Variants in AKR1C4 observed in about 807,000 individuals in gnomAD.
AKR1C4 encodes aldo-keto reductase family 1 member C4.
Under a neutral mutation model 41.0 loss-of-function variants are expected in AKR1C4, and 44 were observed. The observed-to-expected ratio is 1.07, with a 90% confidence interval of 0.84 to 1.38. The LOEUF (loss-of-function observed/expected upper bound fraction) is 1.38, where lower values mean the gene tolerates loss of function less well. AKR1C4 is among the 40% of genes most tolerant of loss of function. AKR1C4 has a pLI of 0.00. For synonymous variants in AKR1C4, 165 were observed against 137.7 expected, an observed-to-expected ratio of 1.20 and a Z score of -1.39; for missense variants, 438 against 387.9, an observed-to-expected ratio of 1.13 and a Z score of -1.09.
At chr10:5,205,174 T>C (rs2132129297) in intron 3 of AKR1C4, among the ~76,000 whole-genome samples, 1 of 152,374 alleles carries the variant, frequency 6.6e-6, no homozygotes, top group South Asian at 2.1e-4. Context: ...TAATTATCTA[T>C]GAACTCCAAG....
intron 7 of AKR1C4, among the ~76,000 whole-genome samples, chr10:5,215,442 T>G (rs1437802700): frequency 6.6e-6 from 1 of 152,216 alleles, no homozygotes; most frequent in African/African-American, 2.4e-5. Flanking sequence ...GGCTCACAAT[T>G]TGCAGGCTGT....
intron 1 of AKR1C4, among the ~76,000 whole-genome samples, chr10:5,199,697 G>A (rs1357084848): frequency 2.0e-5 from 3 of 152,058 alleles, no homozygotes; most frequent in African/African-American, 4.8e-5. Flanking sequence ...CTGAGCAGCC[G>A]GACTCTAGGG....
intron 5 of AKR1C4, chr10:5,207,084 T>C (rs1160505336): frequency 6.4e-6 from 1 of 155,832 alleles, no homozygotes; most frequent in Admixed American, 6.5e-5. Flanking sequence ...GGGAGTCTTA[T>C]AGCTGGGCCA....
intron 1 of AKR1C4, among the ~76,000 whole-genome samples, chr10:5,198,945 G>A (rs782338654): frequency 1.4e-4 from 21 of 151,288 alleles, no homozygotes; most frequent in Admixed American, 4.6e-4. Flanking sequence ...GAAGGTGGGG[G>A]TGGGGGCAGA....
chr10:5,199,793 G>A (rs116939839), intron 1 of AKR1C4, among the ~76,000 whole-genome samples: 2,155 of 152,254 alleles, frequency 0.014, 25 homozygotes, highest in Non-Finnish European at 0.023. Flanking sequence ...CCAAGCCCAG[G>A]TGTGATCCGA....
intron 2 of AKR1C4, among the ~76,000 whole-genome samples, chr10:5,203,540 G>C (rs1832435201): frequency 6.6e-6 from 1 of 152,172 alleles, no homozygotes. Context: ...AGAGTATTCT[G>C]GAGGCAGTTT....
chr10:5,205,793 A>G lies in AKR1C4; in HGVS notation c.406A>G (p.Lys136Glu). The G allele has an allele frequency of 1.2e-6, 2 of 1,613,578 alleles. No individual in the cohort carries two copies. Among genetic ancestry groups the G allele is most frequent in the Non-Finnish European group, 1.7e-6 (2 of 1,179,626 alleles). ...ETPLPKDENG[K>E]VIFDTVDLSA... ...GCCACTACCAAAAGATGAAAATGGA[A>G]AAGTAATATTCGACACAGTGGATCT... is the stretch of plus-strand genomic sequence containing the variant. Residue 136 changes from lysine to glutamate, a missense_variant, in exon 4 of 9, where the codon AAA becomes GAA. By Grantham distance (56) the Lys-to-Glu change is moderately conservative. Transcript: ENST00000263126.
chr10:5,215,011 T>A (rs2132140260), intron 7 of AKR1C4, among the ~76,000 whole-genome samples: 1 of 152,340 alleles, frequency 6.6e-6, no homozygotes, highest in South Asian at 2.1e-4. Flanking sequence ...TAGCTGTTTG[T>A]CAAAGATGGA....
At position 5,201,986 on chromosome 10, in the gene AKR1C4, T is replaced by C. The variant is rs140033323; in HGVS notation, c.252+1638T>C. Among the ~76,000 whole-genome samples, 475 of 152,324 alleles carry C rather than the reference T, an allele frequency of 3.1e-3. 4 individuals carry two copies. Among genetic ancestry groups the C allele is most frequent in the African/African-American group, 0.01 (422 of 41,576 alleles). On this transcript the variant is annotated intron_variant, in intron 2 of 8. Transcript: ENST00000263126. The stretch of plus-strand genomic sequence containing the variant: ...GTGCCTATTTTTTATACCAGTACCA[T>C]GCTGTTTGTATAACTATAGTCATGT...
At chr10:5,210,370 G>C (rs543371651) in intron 5 of AKR1C4, among the ~76,000 whole-genome samples, 1 of 152,300 alleles carries the variant, frequency 6.6e-6, no homozygotes, top group Non-Finnish European at 1.5e-5. Flanking sequence ...CAGGTGCACA[G>C]TGCAAGCTGT....
chr10:5,201,170 T>TA (rs746411741), intron 2 of AKR1C4, among the ~76,000 whole-genome samples: 5 of 152,176 alleles, frequency 3.3e-5, no homozygotes, highest in Admixed American at 2.6e-4. Context: ...TTAAGTTCTT[T>TA]AAGGAATCTC....
intron 8 of AKR1C4, among the ~76,000 whole-genome samples, chr10:5,217,717 G>C (rs1287300789): frequency 2.0e-5 from 3 of 152,150 alleles, no homozygotes; most frequent in African/African-American, 7.2e-5. Flanking sequence ...CCAAAATTAT[G>C]CCACTGCACT....
chr10:5,213,052 A>C lies in AKR1C4; in HGVS notation c.739A>C (p.Lys247Gln), dbSNP rs1832602005. ...CCCAGTTCTTTGTGCCTTAGCAAAGAAACACAAACAAACCCCAGCCCTGAT... is the reference window on the plus strand; with the variant it reads ...CCCAGTTCTTTGTGCCTTAGCAAAGCAACACAAACAAACCCCAGCCCTGAT... ...EDPVLCALAKKHKQTPALIAL... is the reference protein window; with the variant it reads ...EDPVLCALAKQHKQTPALIAL... Residue 247 changes from lysine (K) to glutamine (Q), a missense_variant, in exon 7 of 9, where the codon AAA becomes CAA. Physicochemically the swap from Lys to Gln is moderately conservative, Grantham distance 53 (BLOSUM62 1). Transcript: ENST00000263126. 6.2e-7 allele frequency: 1 copy of C among 1,614,024 alleles called. No individual in the cohort carries two copies. The highest frequency in any genetic ancestry group is 1.1e-5 in the South Asian group (1 of 91,084).
Position 5,207,629 on chromosome 10 carries a change from C to T in AKR1C4, c.570+1232C>T. 4 of 1,169,516 alleles carry T rather than the reference C, an allele frequency of 3.4e-6. No individual in the cohort carries two copies. In the Admixed American group the frequency reaches 5.7e-5, roughly 17 times the overall value. The allele number at this position is 1,169,516 out of a possible 1,614,324, so 72.4% of individuals were successfully genotyped here. A position where few individuals can be genotyped will look rare whatever the true frequency, so the allele number is the denominator to read the frequency against. ...TTAGCAATGGTTGAACTAAGCTCAT[C>T]AACTCCTTGGCATTTGCAGCCTACC... On this transcript the variant is annotated intron_variant, in intron 5 of 8. Transcript: ENST00000263126.
intron 2 of AKR1C4, among the ~76,000 whole-genome samples, chr10:5,200,654 T>C (rs898762738): frequency 1.3e-5 from 2 of 152,178 alleles, no homozygotes; most frequent in Non-Finnish European, 2.9e-5. Flanking sequence ...TGGATTTTGG[T>C]TACATGAATC....
chr10:5,217,416 T>A (rs897217536), intron 8 of AKR1C4, among the ~76,000 whole-genome samples: 1 of 152,318 alleles, frequency 6.6e-6, no homozygotes, highest in East Asian at 1.9e-4. Flanking sequence ...TTTTGCAATA[T>A]GGAAATCTCA....
intron 2 of AKR1C4, chr10:5,202,428 A>G (rs782627859): frequency 2.2e-5 from 10 of 455,094 alleles, no homozygotes; most frequent in South Asian, 1.4e-4. Context: ...TTTTGTAGGT[A>G]TATGATCATA....
intron 5 of AKR1C4, among the ~76,000 whole-genome samples, chr10:5,211,529 G>T (rs1413190226): frequency 6.6e-6 from 1 of 152,116 alleles, no homozygotes; most frequent in Non-Finnish European, 1.5e-5. Flanking sequence ...TTCCCAACAA[G>T]TTCCTCATCT....
chr10:5,207,599 A>C, intron 5 of AKR1C4: 1 of 1,129,510 alleles, frequency 8.9e-7, no homozygotes, highest in Non-Finnish European at 1.2e-6. Flanking sequence ...GAAATTGAGA[A>C]ATTGTTAGCA....
Sources: gnomAD v4.1 joint callset for allele counts (sites outside exome capture counted in the v4.1 genomes callset) on GRCh38, gnomAD v4.1.1 for gene constraint, MANE v1.5 for transcripts, NCBI Gene and HGNC (gene_info 2026-07-23, HGNC 2026-07-21) for gene names.